EPS8: variants seen among roughly 807,000 people sequenced by gnomAD.
EPS8 encodes EGFR pathway substrate 8, signaling adaptor, also known as epidermal growth factor receptor kinase substrate 8.
EPS8 carries 42 observed loss-of-function variants against 103.8 expected under a neutral mutation model. That is an observed-to-expected ratio of 0.40 (90% CI 0.32 to 0.52). EPS8 has a LOEUF of 0.52. Among genes scored for constraint, EPS8 ranks in the 20% least tolerant of loss-of-function variants. EPS8 has a pLI of 0.40. For missense variants in EPS8, 969 were observed against 1,005.1 expected (o/e 0.96, Z 0.49); for synonymous variants, 344 against 344.6 (o/e 1.00, Z 0.02).
intron 12 of EPS8, chr12:15,654,550 T>C: frequency 2.2e-6 from 1 of 455,184 alleles, no homozygotes; most frequent in Non-Finnish European, 3.9e-6. Context: ...CATATGACTA[T>C]AGTTTCTCTG....
chr12:15,754,754 C>T (rs80352928), intron 1 of EPS8, among the ~76,000 whole-genome samples: 4,101 of 152,272 alleles, frequency 0.027, 181 homozygotes, highest in African/African-American at 0.094. Flanking sequence ...AAGTCTCTAC[C>T]ATATTAGCTT....
At chr12:15,663,944 A>AAAAAAAATAATAATAATAAT (rs1555112203) in intron 8 of EPS8, among the ~76,000 whole-genome samples, 2 of 85,978 alleles carry the variant, frequency 2.3e-5, no homozygotes, top group Non-Finnish European at 4.3e-5. Flanking sequence ...AAAAAAAAAA[A>AAAAAAAATAATAATAATAAT]AATAATATAT....
At chr12:15,788,940 C>G (rs1294832589) in intron 1 of EPS8, among the ~76,000 whole-genome samples, 3 of 152,126 alleles carry the variant, frequency 2.0e-5, no homozygotes, top group African/African-American at 4.8e-5. Context: ...CGGGTCTGCA[C>G]GGGCCCCACA....
intron 8 of EPS8, among the ~76,000 whole-genome samples, chr12:15,664,273 CTGTT>C (rs1945669481): frequency 6.6e-6 from 1 of 150,816 alleles, no homozygotes. Flanking sequence ...CTACATATCT[CTGTT>C]AATTAATTTT....
intron 17 of EPS8, among the ~76,000 whole-genome samples, chr12:15,636,602 T>C (rs995520297): frequency 4.0e-4 from 61 of 152,332 alleles, no homozygotes; most frequent in African/African-American, 1.5e-3. Flanking sequence ...GAGCTGCACT[T>C]GTGCCCTTCA....
rs1380315381 is a variant in EPS8 at position 15,764,297 on chromosome 12, G to T, written c.-22+24864C>A. The stretch of plus-strand genomic sequence containing the variant: ...CACCGGGTCCCTCTCATGACACATG[G>T]GAATTATGCAAGCTACAATTCAAGA... On this transcript the variant is annotated intron_variant, in intron 1 of 20. Coordinates refer to ENST00000281172, the MANE Select transcript of EPS8 (RefSeq NM_004447.6). The surrounding 1 kb of genome is among the most constrained non-coding windows in gnomAD (Gnocchi z 4.1). Among the ~76,000 whole-genome samples, 1 of 152,176 alleles carries T rather than the reference G, an allele frequency of 6.6e-6. No individual in the cohort carries two copies. Among genetic ancestry groups the T allele is most frequent in the African/African-American group, 2.4e-5 (1 of 41,436 alleles).
rs557790389 is a variant in EPS8 at position 15,658,869 on chromosome 12, G to C, written c.938-284C>G. On this transcript the variant is annotated intron_variant, in intron 10 of 20. Coordinates refer to ENST00000281172, the MANE Select transcript of EPS8 (RefSeq NM_004447.6). Reference sequence around the variant, plus strand: ...CATTGTGCAAGTGAGTAACTGACAAGCCCTGCTCTAAGGGCCTTAAAAGCT... The same window carrying C: ...CATTGTGCAAGTGAGTAACTGACAACCCCTGCTCTAAGGGCCTTAAAAGCT... 2.0e-5 allele frequency among the ~76,000 whole-genome samples: 3 copies of C among 152,230 alleles called. No individual in the cohort carries two copies. In the South Asian group the frequency reaches 6.2e-4, roughly 32 times the overall value.
At chr12:15,630,248 C>A (rs901377513) in intron 18 of EPS8, among the ~76,000 whole-genome samples, 2 of 151,486 alleles carry the variant, frequency 1.3e-5, no homozygotes, top group Non-Finnish European at 2.9e-5. Flanking sequence ...ACTTCATATA[C>A]TTTTGTCATA....
chr12:15,671,323 G>C (rs909624982), intron 3 of EPS8, among the ~76,000 whole-genome samples: 1 of 152,068 alleles, frequency 6.6e-6, no homozygotes, highest in Admixed American at 6.6e-5. Flanking sequence ...TATTGTCATA[G>C]ATACTGTATT....
intron 1 of EPS8, among the ~76,000 whole-genome samples, chr12:15,715,012 A>G (rs1034182829): frequency 6.6e-6 from 1 of 152,160 alleles, no homozygotes; most frequent in Non-Finnish European, 1.5e-5. Context: ...AAAAGATTGA[A>G]TGGAAACTGT....
intron 12 of EPS8, among the ~76,000 whole-genome samples, chr12:15,657,337 A>G (rs555248052): frequency 6.6e-6 from 1 of 152,124 alleles, no homozygotes; most frequent in South Asian, 2.1e-4. Flanking sequence ...AACCAACCCT[A>G]CTCAAAAAGT....
In EPS8 at chr12:15,776,592, T is replaced by G. The variant is rs989431731; in HGVS notation, c.-22+12569A>C. 1.3e-5 allele frequency among the ~76,000 whole-genome samples: 2 copies of G among 152,208 alleles called. No individual in the cohort carries two copies. The highest frequency in any genetic ancestry group is 4.8e-5 in the African/African-American group (2 of 41,462). ...AATGTCTGGCTCAATCTCGCAAGAA[T>G]AGGAATTTCCACATTCAGAACTGTC... is the stretch of plus-strand genomic sequence containing the variant. On this transcript the variant is annotated intron_variant, in intron 1 of 20. Coordinates refer to ENST00000281172, the MANE Select transcript of EPS8 (RefSeq NM_004447.6). This position sits in a 1 kb window ranked among gnomAD's most constrained non-coding sequence, Gnocchi z 4.2.
chr12:15,721,685 G>T lies in EPS8; in HGVS notation c.-21-38713C>A, dbSNP rs1015558103. 6.6e-6 allele frequency among the ~76,000 whole-genome samples: 1 copy of T among 152,016 alleles called. No homozygotes were observed. Among genetic ancestry groups the T allele is most frequent in the Admixed American group, 6.6e-5 (1 of 15,262 alleles). ...TTTGTCTTGCGCATCAAGTTAAAAG[G>T]ATTTTCCTGAAAACTTAAAAGTAAT... On this transcript the variant is annotated intron_variant, in intron 1 of 20. Transcript: ENST00000281172. This position sits in a 1 kb window ranked among gnomAD's most constrained non-coding sequence, Gnocchi z 4.4.
intron 1 of EPS8, among the ~76,000 whole-genome samples, chr12:15,730,277 TA>T (rs998193322): frequency 2.9e-4 from 44 of 152,136 alleles, no homozygotes; most frequent in African/African-American, 1.0e-3. Flanking sequence ...ACAGAAGAAA[TA>T]AAAGCTCAGA....
At chr12:15,670,219 G>T (rs1163596644) in intron 4 of EPS8, among the ~76,000 whole-genome samples, 2 of 152,098 alleles carry the variant, frequency 1.3e-5, no homozygotes, top group African/African-American at 4.8e-5. Flanking sequence ...CTGTATGGGA[G>T]CTTCAAAACT....
chr12:15,765,407 T>G (rs148838596), intron 1 of EPS8, among the ~76,000 whole-genome samples: 1,756 of 152,194 alleles, frequency 0.012, 16 homozygotes, highest in Middle Eastern at 0.02. Context: ...CCAACAGATC[T>G]TACAGCAATC....
At chr12:15,663,943 A>AT (rs1565487239) in intron 8 of EPS8, among the ~76,000 whole-genome samples, 4 of 8,432 alleles carry the variant, frequency 4.7e-4, no homozygotes, top group East Asian at 2.0e-3. Context: ...AAAAAAAAAA[A>AT]AAATAATATA....
Position 15,776,155 on chromosome 12 carries a change from T to C in EPS8, c.-22+13006A>G. Among the ~76,000 whole-genome samples the C allele has an allele frequency of 6.6e-6, 1 of 152,162 alleles. No homozygotes were observed. The highest frequency in any genetic ancestry group is 1.9e-4 in the East Asian group (1 of 5,198). On this transcript the variant is annotated intron_variant, in intron 1 of 20. Coordinates refer to ENST00000281172, the MANE Select transcript of EPS8 (RefSeq NM_004447.6). The surrounding 1 kb of genome is among the most constrained non-coding windows in gnomAD (Gnocchi z 4.2). ...TTAAAAGAAATTTTTGCCCAAGTAT[T>C]CTCCTTTCCAGTGATTGGTATGGTT... is the stretch of plus-strand genomic sequence containing the variant.
intron 3 of EPS8, chr12:15,672,591 C>T: frequency 2.5e-6 from 1 of 395,654 alleles, no homozygotes; most frequent in African/African-American, 2.1e-5. Context: ...CCTTCACTTA[C>T]ATGACTGTAT....
Sources: gnomAD v4.1 joint callset for allele counts (sites outside exome capture counted in the v4.1 genomes callset) on GRCh38, gnomAD v4.1.1 for gene constraint, Gnocchi (gnomAD v3.1) non-coding constraint, MANE v1.5 for transcripts, NCBI Gene and HGNC (gene_info 2026-07-23, HGNC 2026-07-21) for gene names.